Variants in PDE1C observed in about 807,000 individuals in gnomAD.
The protein encoded by PDE1C is dual specificity calcium/calmodulin-dependent 3',5'-cyclic nucleotide phosphodiesterase 1C.
In PDE1C, 62 loss-of-function variants were observed where a neutral mutation model predicts 93.1. The ratio of observed to expected loss-of-function variants is 0.67; its 90% CI spans 0.54 to 0.82. The LOEUF is 0.82. Among genes scored for constraint, PDE1C ranks in the 40% least tolerant of loss-of-function variants. The probability of loss-of-function intolerance (pLI) is 0.00; values close to 1 mark genes in which losing one functional copy is unlikely to be tolerated. For synonymous variants in PDE1C, 325 were observed against 310.1 expected, an observed-to-expected ratio of 1.05 and a Z score of -0.50; for missense variants, 742 against 884.6, an observed-to-expected ratio of 0.84 and a Z score of 2.04.
rs1197749759 is a variant in PDE1C at position 31,949,151 on chromosome 7, G to A, written c.129-68291C>T. Among the ~76,000 whole-genome samples, 5 of 152,198 alleles carry A rather than the reference G, an allele frequency of 3.3e-5. No homozygotes were observed. In the East Asian group the frequency reaches 9.7e-4, roughly 29 times the overall value. On this transcript the variant is annotated intron_variant, in intron 2 of 17. Coordinates refer to ENST00000396191, the MANE Select transcript of PDE1C (RefSeq NM_001191057.4). ...CTTTTTTAGTCCAATATGTTATCTA[G>A]TTGGGGCTAAAAAAACATGACTACC... is the stretch of plus-strand genomic sequence containing the variant.
chr7:32,110,561 A>G (rs540768538), intron 3 of PDE1C, among the ~76,000 whole-genome samples: 1 of 152,200 alleles, frequency 6.6e-6, no homozygotes, highest in Non-Finnish European at 1.5e-5. Context: ...ATGAATCATC[A>G]TCCCTCAAGA....
chr7:31,696,934 T>C, the PDE1C span: 4 of 1,608,518 alleles, frequency 2.5e-6, no homozygotes, highest in South Asian at 4.4e-5. Context: ...TATTTGATCC[T>C]GTTTCTCTCT....
intron 1 of PDE1C, among the ~76,000 whole-genome samples, chr7:32,240,424 AAAAC>A (rs1808460661): frequency 6.6e-6 from 1 of 152,246 alleles, no homozygotes; most frequent in African/African-American, 2.4e-5. Context: ...GGAAAGGCAG[AAAAC>A]AAACAGATAC....
In PDE1C at chr7:32,100,314, A is replaced by G. The variant is rs547117600; in HGVS notation, c.308+69471T>C. On this transcript the variant is annotated intron_variant, in intron 3 of 18. Coordinates refer to the PDE1C transcript ENST00000396193. ...GAATAAATTCTGCTATGCTTGAGAG[A>G]AAAATAAATCCATAGTTCTAGTTGT... Among the ~76,000 whole-genome samples, 161 of 152,338 alleles carry G rather than the reference A, an allele frequency of 1.1e-3. 1 individual carries two copies. Among genetic ancestry groups the G allele is most frequent in the African/African-American group, 3.8e-3 (158 of 41,576 alleles).
At chr7:31,812,888 C>T (rs1445264694) in intron 15 of PDE1C, among the ~76,000 whole-genome samples, 1 of 152,136 alleles carries the variant, frequency 6.6e-6, no homozygotes, top group African/African-American at 2.4e-5. Flanking sequence ...TTGAGACTCA[C>T]ACAGATCAGA....
intron 1 of PDE1C, among the ~76,000 whole-genome samples, chr7:32,358,358 T>C (rs1256704524): frequency 6.6e-6 from 1 of 152,176 alleles, no homozygotes; most frequent in African/African-American, 2.4e-5. Flanking sequence ...TAATTCTAAA[T>C]ATGCCAAATA....
upstream of PDE1C, among the ~76,000 whole-genome samples, chr7:32,075,784 CCA>C (rs947533717): frequency 3.9e-5 from 6 of 152,210 alleles, no homozygotes; most frequent in African/African-American, 1.4e-4. Flanking sequence ...TGCATGTGAC[CCA>C]CAGTTTCTGC....
chr7:31,737,107 C>T, the PDE1C span, among the ~76,000 whole-genome samples: 1 of 152,120 alleles, frequency 6.6e-6, no homozygotes, highest in Non-Finnish European at 1.5e-5. Flanking sequence ...TGCACCACCA[C>T]ACCAGGCTAA....
At chr7:32,008,380 C>A (rs1241835573) in intron 2 of PDE1C, among the ~76,000 whole-genome samples, 4 of 152,164 alleles carry the variant, frequency 2.6e-5, no homozygotes, top group African/African-American at 9.7e-5. Flanking sequence ...AGGTTAGGCA[C>A]GTTCCATTAA....
intron 1 of PDE1C, among the ~76,000 whole-genome samples, chr7:32,068,476 C>CTT (rs1280432981): frequency 6.6e-6 from 1 of 152,158 alleles, no homozygotes; most frequent in Non-Finnish European, 1.5e-5. Context: ...ATAGCATCTC[C>CTT]TTTTCAAATT....
At chr7:32,404,837 A>C (rs921836721) in intron 1 of PDE1C, among the ~76,000 whole-genome samples, 1 of 152,218 alleles carries the variant, frequency 6.6e-6, no homozygotes, top group African/African-American at 2.4e-5. Flanking sequence ...GGGAAGAAGA[A>C]GCATGAACTG....
At chr7:31,868,558 A>G (rs1795565694) in intron 6 of PDE1C, among the ~76,000 whole-genome samples, 1 of 152,174 alleles carries the variant, frequency 6.6e-6, no homozygotes, top group Non-Finnish European at 1.5e-5. Context: ...CCACCATTAA[A>G]CAACCAAATA....
At chr7:32,367,607 G>A (rs1265388710) in intron 1 of PDE1C, among the ~76,000 whole-genome samples, 3 of 152,056 alleles carry the variant, frequency 2.0e-5, no homozygotes, top group Non-Finnish European at 2.9e-5. Flanking sequence ...CTGTAATCCA[G>A]CACTTTGGGA....
intron 2 of PDE1C, among the ~76,000 whole-genome samples, chr7:32,185,380 C>A (rs1425789748): frequency 6.6e-6 from 1 of 151,856 alleles, no homozygotes; most frequent in Non-Finnish European, 1.5e-5. Flanking sequence ...TATTCTTCAC[C>A]TTTGGTTTCC....
chr7:32,315,408 G>A (rs1216016232), intron 1 of PDE1C, among the ~76,000 whole-genome samples: 1 of 152,008 alleles, frequency 6.6e-6, no homozygotes, highest in African/African-American at 2.4e-5. Flanking sequence ...GAAGACAGCA[G>A]ACAGGAAGGA....
At chr7:32,414,800 T>C (rs981030483) in intron 1 of PDE1C, among the ~76,000 whole-genome samples, 2 of 147,878 alleles carry the variant, frequency 1.4e-5, no homozygotes, top group Non-Finnish European at 3.0e-5. Context: ...GACCCAGAAA[T>C]GGCTTTAGAG....
At chr7:31,637,459 G>A in the PDE1C span, among the ~76,000 whole-genome samples, 1 of 152,134 alleles carries the variant, frequency 6.6e-6, no homozygotes, top group Non-Finnish European at 1.5e-5. Context: ...TCTCATTGTG[G>A]TTTTGATTTG....
the PDE1C span, chr7:31,692,363 T>C: frequency 2.6e-6 from 3 of 1,155,902 alleles, no homozygotes; most frequent in Admixed American, 4.0e-5. Flanking sequence ...AATGAATGAA[T>C]AAACAGAGCC....
At chr7:31,777,037 T>C (rs1225522041) in intron 16 of PDE1C, among the ~76,000 whole-genome samples, 1 of 150,388 alleles carries the variant, frequency 6.6e-6, no homozygotes, top group Non-Finnish European at 1.5e-5. Flanking sequence ...ATATACCTAA[T>C]GTTAAATGAC....
Sources: gnomAD v4.1 joint callset for allele counts (sites outside exome capture counted in the v4.1 genomes callset) on GRCh38, gnomAD v4.1.1 for gene constraint, MANE v1.5 for transcripts, NCBI Gene and HGNC (gene_info 2026-07-23, HGNC 2026-07-21) for gene names.